Variants in CWF19L2 observed in about 807,000 individuals in gnomAD.
CWF19L2 encodes CWF19 like cell cycle control factor 2, also known as CWF19-like protein 2.
In CWF19L2, 98 loss-of-function variants were observed where a neutral mutation model predicts 111.7. That is an observed-to-expected ratio of 0.88 (90% CI 0.75 to 1.04). The LOEUF is 1.04. Ranked by LOEUF, CWF19L2 falls within the 50% of genes least tolerant of loss-of-function variation. The pLI, the probability that CWF19L2 is intolerant of heterozygous loss-of-function variation, is 0.00. For synonymous variants in CWF19L2, 351 were observed against 342.9 expected, an observed-to-expected ratio of 1.02 and a Z score of -0.26; for missense variants, 1,101 against 1,051.4, an observed-to-expected ratio of 1.05 and a Z score of -0.65.
intron 3 of CWF19L2, among the ~76,000 whole-genome samples, chr11:107,448,408 T>C (rs1178773416): frequency 3.5e-5 from 4 of 114,556 alleles, no homozygotes; most frequent in Non-Finnish European, 7.3e-5. Context: ...CAATAAAATA[T>C]ACCCAACCCA....
chr11:107,450,464 A>G (rs1861762845), intron 3 of CWF19L2, among the ~76,000 whole-genome samples: 1 of 152,036 alleles, frequency 6.6e-6, no homozygotes, highest in Non-Finnish European at 1.5e-5. Flanking sequence ...GAGGTGGGAG[A>G]GTCACTTGAG....
At chr11:107,440,244 G>T (rs1206233880) in intron 5 of CWF19L2, among the ~76,000 whole-genome samples, 1 of 152,164 alleles carries the variant, frequency 6.6e-6, no homozygotes, top group Admixed American at 6.5e-5. Flanking sequence ...AGTAATAATG[G>T]CAAGAGGATG....
chr11:107,398,841 G>A (rs572032694), intron 10 of CWF19L2, among the ~76,000 whole-genome samples: 106 of 152,254 alleles, frequency 7.0e-4, no homozygotes, highest in African/African-American at 2.0e-3. Flanking sequence ...ATTTCTCAGC[G>A]GAAACCCTAT....
At chr11:107,335,031 G>T in intron 15 of CWF19L2, 70 bp from the exon 16 acceptor site, 1 of 914,902 alleles carries the variant, frequency 1.1e-6, no homozygotes. Context: ...CTTATAACAA[G>T]TAATATAGCA....
intron 12 of CWF19L2, among the ~76,000 whole-genome samples, chr11:107,363,075 G>A (rs1248399154): frequency 5.1e-4 from 78 of 152,218 alleles, no homozygotes; most frequent in Admixed American, 3.9e-3. Context: ...GGGTATCAGC[G>A]ATGGAAGATG....
At chr11:107,405,197 A>C (rs1343168534) in intron 10 of CWF19L2, among the ~76,000 whole-genome samples, 1 of 152,222 alleles carries the variant, frequency 6.6e-6, no homozygotes, top group East Asian at 1.9e-4. Flanking sequence ...TTTTATTGGA[A>C]CACAACCATG....
At chr11:107,396,380 A>C (rs1226886149) in intron 10 of CWF19L2, among the ~76,000 whole-genome samples, 4 of 152,196 alleles carry the variant, frequency 2.6e-5, no homozygotes, top group Non-Finnish European at 4.4e-5. Context: ...TTGTTAAAGC[A>C]TTTTATAAGG....
At chr11:107,353,817 T>C (rs1358909546) in intron 12 of CWF19L2, 81 bp from the exon 13 acceptor site, 1 of 981,544 alleles carries the variant, frequency 1.0e-6, no homozygotes, top group Admixed American at 2.3e-5. Context: ...TAAATCTGTA[T>C]CTGTAAGTTC....
chr11:107,362,428 G>A (rs1591163848), intron 12 of CWF19L2, among the ~76,000 whole-genome samples: 1 of 152,004 alleles, frequency 6.6e-6, no homozygotes, highest in East Asian at 2.0e-4. Context: ...GTCCCTGTCT[G>A]ACAGCTTTGA....
chr11:107,384,919 G>C (rs1860743284), intron 12 of CWF19L2, among the ~76,000 whole-genome samples: 1 of 151,956 alleles, frequency 6.6e-6, no homozygotes, highest in South Asian at 2.1e-4. Context: ...AAGAAACATA[G>C]GATAATGAGC....
chr11:107,362,710 A>G (rs374686026), intron 12 of CWF19L2, among the ~76,000 whole-genome samples: 1 of 151,246 alleles, frequency 6.6e-6, no homozygotes. Context: ...AGATAAAACC[A>G]CAAAGATGGG....
chr11:107,454,223 CA>C (rs758968779), intron 3 of CWF19L2, among the ~76,000 whole-genome samples: 1 of 152,220 alleles, frequency 6.6e-6, no homozygotes, highest in Non-Finnish European at 1.5e-5. Context: ...CTGTGCTTAG[CA>C]ATAATTCCCA....
At chr11:107,403,812 C>A in intron 10 of CWF19L2, 1 of 851,878 alleles carries the variant, frequency 1.2e-6, no homozygotes, top group Non-Finnish European at 2.0e-6. Context: ...ACTGTCAGAC[C>A]GCACAACCTT....
chr11:107,434,371 C>T (rs1334078318), intron 6 of CWF19L2, among the ~76,000 whole-genome samples: 2 of 152,076 alleles, frequency 1.3e-5, no homozygotes, highest in South Asian at 2.1e-4. Flanking sequence ...ATTAAGCTGG[C>T]TTTATTTTCT....
intron 8 of CWF19L2, among the ~76,000 whole-genome samples, chr11:107,427,737 T>C (rs994958656): frequency 6.6e-6 from 1 of 152,120 alleles, no homozygotes; most frequent in Admixed American, 6.6e-5. Flanking sequence ...CATACAGCCT[T>C]AGACAATAAT....
At chr11:107,427,372 T>A (rs937228411) in intron 8 of CWF19L2, among the ~76,000 whole-genome samples, 7 of 152,112 alleles carry the variant, frequency 4.6e-5, no homozygotes, top group Non-Finnish European at 7.4e-5. Context: ...TATACATACA[T>A]ATATATACAC....
intron 6 of CWF19L2, among the ~76,000 whole-genome samples, chr11:107,436,884 T>C (rs971300321): frequency 1.3e-5 from 2 of 152,186 alleles, no homozygotes; most frequent in Admixed American, 6.5e-5. Context: ...AAATACTATC[T>C]ACACTGCTGT....
chr11:107,348,302 T>C (rs147382545), intron 14 of CWF19L2, among the ~76,000 whole-genome samples: 226 of 152,232 alleles, frequency 1.5e-3, no homozygotes, highest in African/African-American at 5.0e-3. Context: ...ATTAAAAAAA[T>C]AAAGAGTTTT....
intron 11 of CWF19L2, among the ~76,000 whole-genome samples, chr11:107,391,169 C>T (rs1002196176): frequency 6.6e-6 from 1 of 152,144 alleles, no homozygotes; most frequent in Non-Finnish European, 1.5e-5. Context: ...TTGCAGACGG[C>T]CTATGTAGGA....
Sources: allele counts gnomAD v4.1 joint callset (sites outside exome capture counted in the v4.1 genomes callset), GRCh38; gene constraint gnomAD v4.1.1; transcripts MANE v1.5; gene names NCBI Gene and HGNC (gene_info 2026-07-23, HGNC 2026-07-21).